Variants in CDYL observed in about 807,000 individuals in gnomAD.
CDYL encodes chromodomain Y-like protein.
Under a neutral mutation model 47.3 loss-of-function variants are expected in CDYL, and 8 were observed. The observed-to-expected ratio is 0.17, with a 90% CI of 0.10 to 0.31. The LOEUF (loss-of-function observed/expected upper bound fraction) is 0.31, where lower values mean the gene tolerates loss of function less well. CDYL is among the 10% of genes least tolerant of loss of function. The probability of loss-of-function intolerance (pLI) is 1.00; values close to 1 mark genes in which losing one functional copy is unlikely to be tolerated. For missense variants in CDYL, 471 were observed against 701.4 expected (o/e 0.67, Z 3.71); for synonymous variants, 266 against 265.0 (o/e 1.00, Z -0.04).
intron 1 of CDYL, among the ~76,000 whole-genome samples, chr6:4,867,228 ATTAG>A (rs921704544): frequency 1.3e-5 from 2 of 152,020 alleles, no homozygotes; most frequent in Admixed American, 6.5e-5. Context: ...AAACTCATTT[ATTAG>A]TTCTCAAAAG....
chr6:4,792,974 C>T (rs1011684233), intron 1 of CDYL, among the ~76,000 whole-genome samples: 2 of 152,168 alleles, frequency 1.3e-5, no homozygotes, highest in African/African-American at 2.4e-5. Context: ...TAGATGTTTC[C>T]ATCCATGTGT....
At chr6:4,832,350 T>G (rs1407618352) in intron 1 of CDYL, among the ~76,000 whole-genome samples, 3 of 151,814 alleles carry the variant, frequency 2.0e-5, no homozygotes, top group Non-Finnish European at 4.4e-5. Flanking sequence ...GTTTTTGTCT[T>G]TGGCTCTGTT....
intron 3 of CDYL, among the ~76,000 whole-genome samples, chr6:4,764,769 T>C (rs1333779097): frequency 6.6e-6 from 1 of 152,174 alleles, no homozygotes; most frequent in Non-Finnish European, 1.5e-5. Flanking sequence ...AAATTCATAG[T>C]CATGTTGGGA....
intron 1 of CDYL, among the ~76,000 whole-genome samples, chr6:4,882,536 G>A (rs938892610): frequency 1.2e-4 from 19 of 152,156 alleles, no homozygotes; most frequent in African/African-American, 3.9e-4. Flanking sequence ...CACCAGGGGT[G>A]GAAAGCAGGC....
intron 1 of CDYL, among the ~76,000 whole-genome samples, chr6:4,811,377 C>T (rs1262827413): frequency 6.6e-6 from 1 of 152,146 alleles, no homozygotes; most frequent in Non-Finnish European, 1.5e-5. Flanking sequence ...AGTACCTCTT[C>T]AGTAGTAATA....
chr6:4,931,991 G>A (rs1159238696), intron 2 of CDYL, among the ~76,000 whole-genome samples: 2 of 152,230 alleles, frequency 1.3e-5, no homozygotes, highest in African/African-American at 4.8e-5. Context: ...GCCTAGAAAT[G>A]TTGCTTCGGT....
intron 1 of CDYL, chr6:4,889,887 C>T (rs1761995296): frequency 1.2e-6 from 1 of 862,728 alleles, no homozygotes. Flanking sequence ...TACTGTTGCT[C>T]TTCCTCTTTG....
chr6:4,943,466 A>T, intron 4 of CDYL, 80 bp from the exon 5 acceptor site: 1 of 1,015,636 alleles, frequency 9.8e-7, no homozygotes. Context: ...ACATCTTGGT[A>T]AATTGAATTC....
chr6:4,938,126 A>G (rs753415064), intron 4 of CDYL, among the ~76,000 whole-genome samples: 2 of 152,250 alleles, frequency 1.3e-5, no homozygotes, highest in Non-Finnish European at 2.9e-5. Flanking sequence ...ATCTCTTCCA[A>G]ATAGTAAGTT....
At chr6:4,752,912 A>AGGTATGTAGGTAGGTAGG (rs1758019637) in intron 3 of CDYL, among the ~76,000 whole-genome samples, 1 of 149,450 alleles carries the variant, frequency 6.7e-6, no homozygotes, top group Non-Finnish European at 1.5e-5. Context: ...AGGTAGGTAG[A>AGGTATGTAGGTAGGTAGG]TAGATAGATA....
At chr6:4,741,313 G>C (rs907161654) in intron 3 of CDYL, among the ~76,000 whole-genome samples, 7 of 152,084 alleles carry the variant, frequency 4.6e-5, no homozygotes, top group Admixed American at 1.3e-4. Context: ...AAGTTCAATT[G>C]GCCAAATCAT....
intron 3 of CDYL, among the ~76,000 whole-genome samples, chr6:4,749,340 G>T (rs956428832): frequency 5.1e-5 from 6 of 117,032 alleles, no homozygotes; most frequent in African/African-American, 1.5e-4. Flanking sequence ...TGGATGGATG[G>T]CTGGATATGA....
At chr6:4,945,042 C>T (rs1181349041) in intron 5 of CDYL, among the ~76,000 whole-genome samples, 3 of 152,064 alleles carry the variant, frequency 2.0e-5, no homozygotes, top group Non-Finnish European at 2.9e-5. Context: ...TCGGAGAAGA[C>T]GTGGAAAGAC....
intron 3 of CDYL, among the ~76,000 whole-genome samples, chr6:4,748,329 C>T (rs1350052746): frequency 6.6e-6 from 1 of 151,902 alleles, no homozygotes; most frequent in Non-Finnish European, 1.5e-5. Flanking sequence ...TTAACACCAG[C>T]CTGGGAAACA....
At chr6:4,910,244 G>A (rs146846728) in intron 2 of CDYL, among the ~76,000 whole-genome samples, 1 of 152,250 alleles carries the variant, frequency 6.6e-6, no homozygotes, top group Non-Finnish European at 1.5e-5. Context: ...CAGTCTCACG[G>A]CATTAGCACC....
intron 1 of CDYL, among the ~76,000 whole-genome samples, chr6:4,801,370 C>A (rs1055061831): frequency 6.6e-6 from 1 of 152,182 alleles, no homozygotes; most frequent in Non-Finnish European, 1.5e-5. Context: ...CACTTGGAAT[C>A]AGTTTCTGTT....
intron 3 of CDYL, among the ~76,000 whole-genome samples, chr6:4,749,065 T>C (rs1369119776): frequency 1.3e-5 from 2 of 152,186 alleles, no homozygotes; most frequent in African/African-American, 4.8e-5. Flanking sequence ...ATTTCTAGAA[T>C]AGTGTTTATT....
In CDYL at chr6:4,719,743, A is replaced by G. The variant is rs148184418; in HGVS notation, c.103+3862A>G. On this transcript the variant is annotated intron_variant, in intron 2 of 8. Coordinates refer to the CDYL transcript ENST00000328908. ...TGAATTAGAATCAGATACTCTGCCC[A>G]CCTATAATGAGAGATCTTCTTGATC... Among the ~76,000 whole-genome samples, 778 of 152,262 alleles carry G rather than the reference A, an allele frequency of 5.1e-3. 21 individuals carry two copies. The highest frequency in any genetic ancestry group is 0.038 in the Admixed American group (587 of 15,286).
chr6:4,731,431 C>T (rs1257757120), intron 2 of CDYL, among the ~76,000 whole-genome samples: 1 of 152,178 alleles, frequency 6.6e-6, no homozygotes, highest in African/African-American at 2.4e-5. Context: ...ATTCCAGGGT[C>T]TATGTCAGGT....
Sources: gnomAD v4.1 joint callset for allele counts (sites outside exome capture counted in the v4.1 genomes callset) on GRCh38, gnomAD v4.1.1 for gene constraint, MANE v1.5 for transcripts, NCBI Gene and HGNC (gene_info 2026-07-23, HGNC 2026-07-21) for gene names.